The following INF2 variants were observed in gnomAD, a reference collection of about 807,000 sequenced individuals.
INF2 encodes the protein inverted formin 2, also known as inverted formin-2.
In INF2, 43 loss-of-function variants were observed where a neutral mutation model predicts 123.5. The observed-to-expected ratio is 0.35, with a 90% CI of 0.27 to 0.45. INF2 has a LOEUF of 0.45. Ranked by LOEUF, INF2 falls within the 20% of genes least tolerant of loss-of-function variation. INF2 has a pLI of 1.00. For synonymous variants in INF2, 851 were observed against 745.0 expected (o/e 1.14, Z -2.32); for missense variants, 1,453 against 1,682.7 (o/e 0.86, Z 2.39).
At chr14:104,710,911 C>T in intron 13 of INF2, 26 bp from the exon 14 acceptor site, 3 of 1,608,178 alleles carry the variant, frequency 1.9e-6, no homozygotes, top group Non-Finnish European at 2.5e-6. Context: ...CCAAGAGCCC[C>T]TCTCCAGCCC....
upstream of INF2, chr14:104,684,730 C>G (rs976361957): frequency 6.6e-6 from 1 of 152,284 alleles, no homozygotes; most frequent in South Asian, 2.1e-4. This position sits in a 1 kb window ranked among gnomAD's most constrained non-coding sequence, Gnocchi z 5.0. Context: ...TGCAGCAGCT[C>G]GATCTGTGAC....
At position 104,711,472 on chromosome 14, in the gene INF2, T is replaced by C. The variant is rs567257589; in HGVS notation, c.2419-157T>C. On this transcript the variant is annotated intron_variant, in intron 15 of 22. Transcript: ENST00000392634. ...TAGGAAAAGCAGAAACATCACAAAG[T>C]CATAGCCAGGCCCAAGGGAAAGATT... Among the ~76,000 whole-genome samples, 13 of 152,184 alleles carry C rather than the reference T, an allele frequency of 8.5e-5. 1 individual carries two copies. Among genetic ancestry groups the C allele is most frequent in the East Asian group, 7.7e-4 (4 of 5,178 alleles).
In INF2 at chr14:104,699,643, G is replaced by A; in HGVS notation, c.-9-1714G>A. ...GTGACCAAGAGGGCCGGGCCTGGGA[G>A]GGTGGCTTAAAACCACAGTGCACCG... On this transcript the variant is annotated intron_variant, in intron 1 of 22. Coordinates refer to ENST00000392634, the MANE Select transcript of INF2 (RefSeq NM_022489.4). This position sits in a 1 kb window ranked among gnomAD's most constrained non-coding sequence, Gnocchi z 4.7. 1 of 971,872 alleles carries A rather than the reference G, an allele frequency of 1.0e-6. No individual in the cohort carries two copies. The highest frequency in any genetic ancestry group is 1.2e-6 in the Non-Finnish European group (1 of 817,618). The allele number at this position is 971,872 out of a possible 1,614,324, so 60.2% of individuals were successfully genotyped here. A position where few individuals can be genotyped will look rare whatever the true frequency, so the allele number is the denominator to read the frequency against.
intron 22 of INF2, 118 bp downstream of exon 22, chr14:104,715,458 G>A: frequency 2.1e-6 from 2 of 968,686 alleles, no homozygotes; most frequent in Non-Finnish European, 1.7e-6. Context: ...CCCGCGTGGT[G>A]CGTCAGTGTG....
rs1890499948 is a variant in INF2 at position 104,720,294 on chromosome 14, G to T, written c.*1501G>T. 1 of 165,612 alleles carries T rather than the reference G, an allele frequency of 6.0e-6. No homozygotes were observed. Among genetic ancestry groups the T allele is most frequent in the Admixed American group, 6.5e-5 (1 of 15,494 alleles). 10.3% of individuals were successfully genotyped at this position (165,612 alleles called of 1,614,324 possible). A position where few individuals can be genotyped will look rare whatever the true frequency, so the allele number is the denominator to read the frequency against. ...TCCATGGACATCTGGGTTGCTTCCAGTTTGGGGCTTCTGTGAATCCTGCTG... is the reference window on the plus strand; with the variant it reads ...TCCATGGACATCTGGGTTGCTTCCATTTTGGGGCTTCTGTGAATCCTGCTG... On this transcript the variant is annotated 3_prime_UTR_variant, in exon 23 of 23. Transcript: ENST00000392634.
In INF2 at chr14:104,708,661, G is replaced by T. The variant is rs768895848; in HGVS notation, c.1888-10G>T. The T allele has an allele frequency of 2.6e-5, 42 of 1,612,846 alleles. No homozygotes were observed. In the East Asian group the frequency reaches 8.5e-4, roughly 33 times the overall value. ...TCCGGTACCAGCCTGTTGGGTGGGG[G>T]GTTTTCTAGATCACTTTCCTCGATG... On this transcript the variant is annotated splice_polypyrimidine_tract_variant and intron_variant, in intron 9 of 22. Coordinates refer to ENST00000392634, the MANE Select transcript of INF2 (RefSeq NM_022489.4).
chr14:104,716,584 G>A (rs530980604), intron 22 of INF2, among the ~76,000 whole-genome samples: 2 of 152,218 alleles, frequency 1.3e-5, no homozygotes, highest in Non-Finnish European at 2.9e-5. Flanking sequence ...GCTCCACCTG[G>A]TTCCCTCCTG....
chr14:104,714,315 C>T lies in INF2; in HGVS notation c.3153C>T (p.Asp1051=), dbSNP rs117457867. The T allele has an allele frequency of 0.015, 24,085 of 1,589,492 alleles. 296 individuals carry two copies. The highest frequency in any genetic ancestry group is 0.04 in the South Asian group (3,474 of 87,602). The change falls in exon 21 of 23, where the codon GAC becomes GAT. Residue 1051 remains aspartate (D), a synonymous_variant. Coordinates refer to ENST00000392634, the MANE Select transcript of INF2 (RefSeq NM_022489.4). ...AGTCCCGGGGCTGGGACCTTGTAGA[C>T]GCCGTGACCCCCGGCCCTCAGCCCA... is the stretch of plus-strand genomic sequence containing the variant. ...ASESRGWDLV[D]AVTPGPQPTL...
chr14:104,686,430 G>A (rs1888666184), upstream of INF2, among the ~76,000 whole-genome samples: 1 of 151,126 alleles, frequency 6.6e-6, no homozygotes, highest in Non-Finnish European at 1.5e-5. Flanking sequence ...ATGGATGAGG[G>A]TGGGTGGGTG....
At chr14:104,685,420 C>T (rs1439185750), upstream of INF2, among the ~76,000 whole-genome samples, 1 of 152,102 alleles carries the variant, frequency 6.6e-6, no homozygotes, top group African/African-American at 2.4e-5. Context: ...CCCCAGCAGG[C>T]AAAGCTGCCA....
rs761206810 is a variant in INF2 at position 104,707,244 on chromosome 14, C to G, written c.986-9C>G. On this transcript the variant is annotated splice_polypyrimidine_tract_variant and intron_variant, in intron 7 of 22. Transcript: ENST00000392634. ...CTTCTCCCTTGACCCTGGACATCCCCTACTGCAGCCCAGGAATGCACCCTG... is the reference window on the plus strand; with the variant it reads ...CTTCTCCCTTGACCCTGGACATCCCGTACTGCAGCCCAGGAATGCACCCTG... 8 of 1,605,448 alleles carry G rather than the reference C, an allele frequency of 5.0e-6. No individual in the cohort carries two copies. Among genetic ancestry groups the G allele is most frequent in the Non-Finnish European group, 6.0e-6 (7 of 1,176,336 alleles).
At chr14:104,712,743 C>T in intron 17 of INF2, 85 bp from the exon 18 acceptor site, 3 of 1,496,496 alleles carry the variant, frequency 2.0e-6, no homozygotes, top group Non-Finnish European at 2.7e-6. Flanking sequence ...TCCCTGTGGC[C>T]GTCACCCTCC....
At position 104,712,547 on chromosome 14, in the gene INF2, C is replaced by T; in HGVS notation, c.2604C>T (p.Arg868=). Residue 868 remains arginine (R), a synonymous_variant, in exon 17 of 23, where the codon CGC becomes CGT. Transcript: ENST00000392634. ...AGGTCCAGGAGCAGTACACCGAGCGCCTCCAGGCAAGTGGGCACCTGGGCC... is the reference window on the plus strand; with the variant it reads ...AGGTCCAGGAGCAGTACACCGAGCGTCTCCAGGCAAGTGGGCACCTGGGCC... ...VAEVQEQYTE[R]LQASISAFRA... The T allele has an allele frequency of 6.2e-7, 1 of 1,612,646 alleles. No individual in the cohort carries two copies. Among genetic ancestry groups the T allele is most frequent in the Non-Finnish European group, 8.5e-7 (1 of 1,179,800 alleles).
In INF2 at chr14:104,707,209, C is replaced by T. The variant is rs1338674416; in HGVS notation, c.986-44C>T. 2.5e-6 allele frequency: 4 copies of T among 1,570,892 alleles called. 1 individual carries two copies. Among genetic ancestry groups the T allele is most frequent in the South Asian group, 2.3e-5 (2 of 85,956 alleles). ...CTTCCTCAAGCCCCCATCCCTCCCT[C>T]TCCGGCTCCCTTCTCCCTTGACCCT... On this transcript the variant is annotated intron_variant, in intron 7 of 22. Transcript: ENST00000392634.
At position 104,684,226 on chromosome 14, in the gene INF2, A is replaced by C. The variant is rs1276414164; in HGVS notation, c.-104+2644A>C. On this transcript the variant is annotated intron_variant, in intron 1 of 2. Coordinates refer to the INF2 transcript ENST00000674723. This position sits in a 1 kb window ranked among gnomAD's most constrained non-coding sequence, Gnocchi z 5.0. ...CAGACAACTGAGGCAACCGAGAAGG[A>C]GGCTGGGGAGGGACAGCTCGAGGGC... 1 of 440,944 alleles carries C rather than the reference A, an allele frequency of 2.3e-6. No individual in the cohort carries two copies. Among genetic ancestry groups the C allele is most frequent in the African/African-American group, 2.0e-5 (1 of 49,536 alleles). The allele number at this position is 440,944 out of a possible 1,614,324, so 27.3% of individuals were successfully genotyped here.
chr14:104,714,361 G>A lies in INF2; in HGVS notation c.3199G>A (p.Gly1067Ser), dbSNP rs1328349434. 1.3e-6 allele frequency: 2 copies of A among 1,597,006 alleles called. No homozygotes were observed. Among genetic ancestry groups the A allele is most frequent in the South Asian group, 1.1e-5 (1 of 88,742 alleles). Residue 1067 changes from glycine (G) to serine (S), a missense_variant, in exon 21 of 23, where the codon GGT (glycine) becomes AGT (serine). Physicochemically the swap from Gly to Ser is moderately conservative, Grantham distance 56. Transcript: ENST00000392634. ...PQPTLEQLEEGGPRPLERRSS... is the reference protein window; with the variant it reads ...PQPTLEQLEESGPRPLERRSS... ...GCCCACCCTGGAGCAGTTGGAGGAG[G>A]GTGGTCCACGGCCCCTGGAGAGGCG... is the stretch of plus-strand genomic sequence containing the variant.
chr14:104,703,888 C>T (rs370183804), intron 4 of INF2, 28 bp from the exon 5 acceptor site: 13 of 1,610,710 alleles, frequency 8.1e-6, no homozygotes, highest in Middle Eastern at 1.7e-4. Context: ...GGCCTCCGAA[C>T]CCTCTGACCC....
At chr14:104,716,376 G>A (rs115520453) in intron 22 of INF2, among the ~76,000 whole-genome samples, 154 of 152,356 alleles carry the variant, frequency 1.0e-3, no homozygotes, top group African/African-American at 3.6e-3. Flanking sequence ...TGCTTCCAGG[G>A]TCATCTTCCG....
At chr14:104,696,796 G>T (rs1014678873) in intron 1 of INF2, among the ~76,000 whole-genome samples, 1 of 152,092 alleles carries the variant, frequency 6.6e-6, no homozygotes, top group South Asian at 2.1e-4. Flanking sequence ...CTCTCCTGCC[G>T]TTCTGCCCAC....
Sources: gnomAD v4.1 joint callset for allele counts (sites outside exome capture counted in the v4.1 genomes callset) on GRCh38, gnomAD v4.1.1 for gene constraint, Gnocchi (gnomAD v3.1) non-coding constraint, MANE v1.5 for transcripts, NCBI Gene and HGNC (gene_info 2026-07-23, HGNC 2026-07-21) for gene names.